Variants in ADARB1 observed in about 807,000 individuals in gnomAD.
ADARB1 encodes the protein adenosine deaminase RNA specific B1.
A neutral mutation model predicts 52.4 loss-of-function variants in ADARB1; 10 were observed. The observed-to-expected ratio is 0.19, with a 90% CI of 0.12 to 0.32. ADARB1 has a LOEUF of 0.32. ADARB1 is among the 10% of genes least tolerant of loss of function. The pLI is 1.00. For missense variants in ADARB1, 643 were observed against 922.3 expected (o/e 0.70, Z 3.92); for synonymous variants, 349 against 371.1 (o/e 0.94, Z 0.68).
intron 1 of ADARB1, among the ~76,000 whole-genome samples, chr21:45,124,576 CTA>C (rs1020394848): frequency 2.6e-5 from 4 of 152,048 alleles, no homozygotes; most frequent in Non-Finnish European, 4.4e-5. Context: ...CAAGGTCTCA[CTA>C]TGTTGCCAGG....
At chr21:45,084,622 T>C (rs1031059974) in intron 1 of ADARB1, among the ~76,000 whole-genome samples, 2 of 152,234 alleles carry the variant, frequency 1.3e-5, no homozygotes, top group African/African-American at 4.8e-5. Flanking sequence ...GTCCAGAGTT[T>C]ATCATAAGCC....
At chr21:45,129,439 A>G (rs2088794296) in intron 2 of ADARB1, among the ~76,000 whole-genome samples, 1 of 152,186 alleles carries the variant, frequency 6.6e-6, no homozygotes, top group Admixed American at 6.5e-5. Context: ...TTCAGATGAG[A>G]TGAGGGGAAA....
intron 2 of ADARB1, among the ~76,000 whole-genome samples, chr21:45,164,503 T>G: frequency 6.9e-6 from 1 of 144,950 alleles, no homozygotes; most frequent in African/African-American, 2.5e-5. Flanking sequence ...GGGAGACAAA[T>G]TGTGGATTGC....
rs2092971948 is a variant in ADARB1 at position 45,221,936 on chromosome 21, G to C, written c.1927-82G>C. 1.1e-5 allele frequency: 16 copies of C among 1,464,492 alleles called. No individual in the cohort carries two copies. Among genetic ancestry groups the C allele is most frequent in the Middle Eastern group, 1.7e-4 (1 of 5,718 alleles). The allele number at this position is 1,464,492 out of a possible 1,614,324, so 90.7% of individuals were successfully genotyped here. On this transcript the variant is annotated intron_variant, in intron 10 of 10. Coordinates refer to ENST00000348831, the MANE Select transcript of ADARB1 (RefSeq NM_001112.4). This position sits in a 1 kb window ranked among gnomAD's most constrained non-coding sequence, Gnocchi z 4.9. ...CCCAGAAGCCAATGCAGTTCTGAAG[G>C]CCATGTTTTGGTATCTTATTAGGTG... is the stretch of plus-strand genomic sequence containing the variant.
chr21:45,109,341 CGT>C (rs1275261455), intron 1 of ADARB1, among the ~76,000 whole-genome samples: 1 of 152,296 alleles, frequency 6.6e-6, no homozygotes, highest in Admixed American at 6.5e-5. Flanking sequence ...TGTGTGTGCA[CGT>C]GTGTGTCCCC....
chr21:45,188,693 A>G (rs2092190928), intron 8 of ADARB1, among the ~76,000 whole-genome samples: 1 of 151,972 alleles, frequency 6.6e-6, no homozygotes, highest in Admixed American at 6.6e-5. Context: ...GTAATCACTG[A>G]TAGGGAAGAC....
intron 8 of ADARB1, among the ~76,000 whole-genome samples, chr21:45,186,034 G>A (rs2092093344): frequency 1.3e-5 from 2 of 152,222 alleles, no homozygotes; most frequent in Non-Finnish European, 2.9e-5. Flanking sequence ...GGTGACCACT[G>A]TGATGTGTTT....
intron 9 of ADARB1, among the ~76,000 whole-genome samples, chr21:45,210,931 T>C (rs1307322616): frequency 6.6e-6 from 1 of 152,270 alleles, no homozygotes; most frequent in East Asian, 1.9e-4. Context: ...TCTCTGGACA[T>C]GAGCCCACCT....
intron 1 of ADARB1, among the ~76,000 whole-genome samples, chr21:45,109,866 C>T (rs915873427): frequency 3.3e-5 from 5 of 152,150 alleles, no homozygotes; most frequent in African/African-American, 7.2e-5. Flanking sequence ...TGCGGTTGTA[C>T]GTCAGTATGT....
At chr21:45,102,840 A>G (rs1009670994) in intron 1 of ADARB1, among the ~76,000 whole-genome samples, 4 of 152,132 alleles carry the variant, frequency 2.6e-5, no homozygotes, top group Non-Finnish European at 4.4e-5. Flanking sequence ...GTGGAGCACA[A>G]CCCTTACCCC....
At chr21:45,134,008 GT>G (rs1601510032) in intron 2 of ADARB1, among the ~76,000 whole-genome samples, 1 of 131,880 alleles carries the variant, frequency 7.6e-6, no homozygotes, top group African/African-American at 2.9e-5. Context: ...CGCCCGACGG[GT>G]GTGTGTGCCC....
At chr21:45,108,578 C>T (rs2087362322) in intron 1 of ADARB1, among the ~76,000 whole-genome samples, 1 of 152,192 alleles carries the variant, frequency 6.6e-6, no homozygotes, top group Non-Finnish European at 1.5e-5. Flanking sequence ...CAGGATGCCC[C>T]CGCTCTACTG....
intron 1 of ADARB1, among the ~76,000 whole-genome samples, chr21:45,127,579 G>A (rs1174117028): frequency 3.3e-5 from 5 of 152,274 alleles, no homozygotes; most frequent in South Asian, 4.1e-4. Flanking sequence ...CTGCAGCAGC[G>A]ACCGGGGCAG....
chr21:45,108,192 G>A (rs545528029), intron 1 of ADARB1, among the ~76,000 whole-genome samples: 3 of 152,256 alleles, frequency 2.0e-5, no homozygotes, highest in East Asian at 1.9e-4. Flanking sequence ...GAAGAAACCC[G>A]AAATTCTAGG....
At chr21:45,162,957 G>A (rs935578584) in intron 2 of ADARB1, among the ~76,000 whole-genome samples, 14 of 152,240 alleles carry the variant, frequency 9.2e-5, no homozygotes, top group East Asian at 7.7e-4. Flanking sequence ...CGGAGAGCTC[G>A]AGGGCCTGAA....
At chr21:45,116,331 G>A (rs1388629992) in intron 1 of ADARB1, among the ~76,000 whole-genome samples, 3 of 152,266 alleles carry the variant, frequency 2.0e-5, no homozygotes, top group African/African-American at 7.2e-5. Flanking sequence ...TGCCTCGGCT[G>A]CTAAGTCTTT....
At chr21:45,195,768 A>G (rs1024386459) in intron 8 of ADARB1, among the ~76,000 whole-genome samples, 2 of 152,048 alleles carry the variant, frequency 1.3e-5, no homozygotes, top group African/African-American at 4.8e-5. Context: ...CCATTGATCT[A>G]TTTGTGTATT....
chr21:45,083,721 G>A (rs1014785038), intron 1 of ADARB1, among the ~76,000 whole-genome samples: 13 of 152,120 alleles, frequency 8.5e-5, no homozygotes, highest in South Asian at 4.1e-4. Flanking sequence ...TTGCGACAGC[G>A]TCTTGCTTTG....
chr21:45,135,573 G>A (rs1350751313), intron 2 of ADARB1, among the ~76,000 whole-genome samples: 4 of 152,212 alleles, frequency 2.6e-5, no homozygotes. Flanking sequence ...AAAACCGTGA[G>A]CGGTAGATAG....
Sources: allele counts gnomAD v4.1 joint callset (sites outside exome capture counted in the v4.1 genomes callset), GRCh38; gene constraint gnomAD v4.1.1; non-coding constraint Gnocchi (gnomAD v3.1); transcripts MANE v1.5; gene names NCBI Gene and HGNC (gene_info 2026-07-23, HGNC 2026-07-21).